Variants in SYNJ1 observed in about 807,000 individuals in gnomAD.
SYNJ1 encodes the protein polyphosphatidylinositol phosphatase SYNJ1.
SYNJ1 carries 78 observed loss-of-function variants against 168.2 expected under a neutral mutation model. The observed-to-expected ratio is 0.46, with a 90% CI of 0.39 to 0.56. SYNJ1 has a LOEUF of 0.56. Among genes scored for constraint, SYNJ1 ranks in the 20% least tolerant of loss-of-function variants. The probability of loss-of-function intolerance (pLI) is 0.00; values close to 1 mark genes in which losing one functional copy is unlikely to be tolerated. For missense variants in SYNJ1, 1,303 were observed against 1,597.6 expected (o/e 0.82, Z 3.14); for synonymous variants, 539 against 548.6 (o/e 0.98, Z 0.24).
chr21:32,720,896 T>C (rs1043027703), intron 2 of SYNJ1, among the ~76,000 whole-genome samples: 3 of 152,268 alleles, frequency 2.0e-5, no homozygotes, highest in Non-Finnish European at 4.4e-5. Flanking sequence ...ATTCACTTTA[T>C]TGAAGCCTGA....
At chr21:32,654,142 T>C (rs2040375938) in intron 21 of SYNJ1, 1 of 152,132 alleles carries the variant, frequency 6.6e-6, no homozygotes, top group Non-Finnish European at 1.5e-5. Context: ...TTTACAGATT[T>C]TTCCACAATG....
intron 11 of SYNJ1, among the ~76,000 whole-genome samples, chr21:32,680,677 G>A (rs182987449): frequency 2.0e-5 from 3 of 151,844 alleles, no homozygotes; most frequent in Non-Finnish European, 2.9e-5. Flanking sequence ...GTGCAGTGGC[G>A]TGATCTTGGC....
intron 2 of SYNJ1, among the ~76,000 whole-genome samples, chr21:32,725,525 T>C (rs1315072406): frequency 1.3e-5 from 2 of 152,214 alleles, no homozygotes; most frequent in South Asian, 2.1e-4. Flanking sequence ...ATATATTTCT[T>C]ATATACTGTT....
intron 21 of SYNJ1, 29 bp from the exon 22 acceptor site, chr21:32,653,395 T>G: frequency 6.5e-7 from 1 of 1,526,990 alleles, no homozygotes; most frequent in African/African-American, 1.4e-5. Flanking sequence ...AAAACCATAA[T>G]TAATACCATA....
upstream of SYNJ1, chr21:32,728,287 G>C (rs1010573289): frequency 3.0e-5 from 14 of 471,666 alleles, no homozygotes; most frequent in Non-Finnish European, 3.7e-6. Flanking sequence ...TTCAGAGCGT[G>C]AGCGCCGGGG....
chr21:32,685,425 C>CAAAAAAAAAAAAAAAAA (rs57470866), intron 9 of SYNJ1, among the ~76,000 whole-genome samples: 1 of 67,238 alleles, frequency 1.5e-5, no homozygotes. Context: ...CCGTCTCTAC[C>CAAAAAAAAAAAAAAAAA]AAAAAAAAAA....
At chr21:32,688,441 A>G in intron 6 of SYNJ1, 74 bp from the exon 7 acceptor site, 2 of 1,220,524 alleles carry the variant, frequency 1.6e-6, no homozygotes, top group Non-Finnish European at 2.3e-6. Flanking sequence ...TGCTTACAAT[A>G]TCTAACAATT....
At chr21:32,703,648 A>G (rs2042492400) in intron 2 of SYNJ1, among the ~76,000 whole-genome samples, 2 of 152,222 alleles carry the variant, frequency 1.3e-5, no homozygotes, top group South Asian at 4.1e-4. Context: ...AGTACTAGAT[A>G]TATCCATTTC....
intron 29 of SYNJ1, 85 bp downstream of exon 29, chr21:32,641,811 T>A: frequency 1.0e-6 from 1 of 988,682 alleles, no homozygotes; most frequent in Non-Finnish European, 1.5e-6. Flanking sequence ...AAGGGTCACA[T>A]GATTTCTCCA....
intron 2 of SYNJ1, among the ~76,000 whole-genome samples, chr21:32,721,875 G>C (rs1305413716): frequency 3.3e-5 from 5 of 152,052 alleles, no homozygotes; most frequent in Non-Finnish European, 5.9e-5. Flanking sequence ...AGTTCAGTCA[G>C]ATAACAATTC....
chr21:32,646,539 G>A lies in SYNJ1; in HGVS notation c.3101C>T (p.Ser1034Leu), dbSNP rs1301819492. The A allele has an allele frequency of 6.2e-7, 1 of 1,614,156 alleles. No individual in the cohort carries two copies. ...GGGGGAAGTACCAAGGCCGGAACTT[G>A]AAGATGGCTGGAGATGCTGAGGAAG... ...ELLPQHLQPS[S>L]SSGLGTSPSS... is the part of the protein sequence containing the mutation. The change falls in exon 24 of 33, where the codon TCA (serine) becomes TTA (leucine). Residue 1034 changes from serine (S) to leucine (L), a missense_variant. By Grantham distance (145) the Ser-to-Leu change is moderately radical. Transcript: ENST00000674351.
intron 22 of SYNJ1, among the ~76,000 whole-genome samples, chr21:32,651,061 A>G (rs1275659236): frequency 6.6e-6 from 1 of 152,248 alleles, no homozygotes; most frequent in African/African-American, 2.4e-5. Context: ...ATGTATTTAA[A>G]AAATACTCTC....
intron 29 of SYNJ1, among the ~76,000 whole-genome samples, chr21:32,640,460 TA>T (rs1249094556): frequency 6.6e-6 from 1 of 151,802 alleles, no homozygotes; most frequent in Non-Finnish European, 1.5e-5. Context: ...CACACGCGGC[TA>T]ATTTTTTGTA....
intron 4 of SYNJ1, among the ~76,000 whole-genome samples, chr21:32,698,469 T>C (rs1239093736): frequency 6.6e-6 from 1 of 152,220 alleles, no homozygotes; most frequent in Non-Finnish European, 1.5e-5. Flanking sequence ...GAATCTGAAC[T>C]GTTAAGGGAG....
At chr21:32,675,315 A>G (rs2041361256) in intron 13 of SYNJ1, among the ~76,000 whole-genome samples, 1 of 152,178 alleles carries the variant, frequency 6.6e-6, no homozygotes, top group Admixed American at 6.5e-5. Context: ...TAAATGAAAT[A>G]AAAAGATAAA....
rs527362526 is a variant in SYNJ1, at chr21:32,645,697, C to T, written c.3340G>A (p.Val1114Ile). The T allele has an allele frequency of 1.5e-5, 22 of 1,489,804 alleles. No homozygotes were observed. In the African/African-American group the frequency reaches 2.7e-4, roughly 18 times the overall value. 92.3% of individuals were successfully genotyped at this position (1,489,804 alleles called of 1,614,324 possible). A position where few individuals can be genotyped will look rare whatever the true frequency, so the allele number is the denominator to read the frequency against. Residue 1114 changes from valine (V) to isoleucine (I), a missense_variant, in exon 25 of 33, where the codon GTC (valine) becomes ATC (isoleucine). By Grantham distance (29) the Val-to-Ile change is conservative. Around this residue, in one of 2 missense-constraint regions of SYNJ1, gnomAD observed 383 missense variants for 388.8 expected, o/e 0.99. Coordinates refer to ENST00000674351, the MANE Select transcript of SYNJ1 (RefSeq NM_203446.3). ...EPKRPPPPRP[V>I]APPTRPAPPQ... ...GGAGCCGGGCGTGTGGGAGGGGCGACCGGGCGGGGCGGCGGCGGCCGCTTG... is the reference window on the plus strand; with the variant it reads ...GGAGCCGGGCGTGTGGGAGGGGCGATCGGGCGGGGCGGCGGCGGCCGCTTG...
chr21:32,669,856 G>A (rs929986531), intron 15 of SYNJ1, among the ~76,000 whole-genome samples: 3 of 152,138 alleles, frequency 2.0e-5, no homozygotes, highest in African/African-American at 7.2e-5. Context: ...GACTGACACA[G>A]AAGTAGATGT....
chr21:32,639,730 C>T lies in SYNJ1; in HGVS notation c.3638G>A (p.Arg1213Gln), dbSNP rs144048853. 1.5e-4 allele frequency: 248 copies of T among 1,614,030 alleles called. No homozygotes were observed. Among genetic ancestry groups the T allele is most frequent in the Admixed American group, 2.2e-4 (13 of 60,002 alleles). Residue 1213 changes from arginine to glutamine, a missense_variant, in exon 30 of 33, where the codon CGG (arginine) becomes CAG (glutamine). Arg to Gln is a conservative substitution (Grantham distance 43, BLOSUM62 1). Transcript: ENST00000674351. ...AGGAGTCAGTCTTCCAGCAGATGCC[C>T]GCGCGTGGCTCTGTGGGGCACTGAT... The part of the protein sequence containing the change: ...GVISAPQSHA[R>Q]ASAGRLTPES...
chr21:32,718,753 G>A (rs2043112097), intron 2 of SYNJ1, among the ~76,000 whole-genome samples: 1 of 151,772 alleles, frequency 6.6e-6, no homozygotes, highest in South Asian at 2.1e-4. Flanking sequence ...CTTGGCCCAG[G>A]AAAGAAACTT....
Sources: allele counts gnomAD v4.1 joint callset (sites outside exome capture counted in the v4.1 genomes callset), GRCh38; gene constraint gnomAD v4.1.1; regional missense constraint gnomAD v4.1.1; transcripts MANE v1.5; gene names NCBI Gene and HGNC (gene_info 2026-07-23, HGNC 2026-07-21).